Variants in GAS7 observed in about 807,000 individuals in gnomAD.
The protein encoded by GAS7 is growth arrest specific 7, also known as growth arrest-specific protein 7.
Under a neutral mutation model 71.1 loss-of-function variants are expected in GAS7, and 28 were observed. The observed-to-expected ratio is 0.39, with a 90% CI of 0.29 to 0.54. The LOEUF is 0.54. Among genes scored for constraint, GAS7 ranks in the 20% least tolerant of loss-of-function variants. GAS7 has a pLI of 0.62. For synonymous variants in GAS7, 258 were observed against 245.8 expected, an observed-to-expected ratio of 1.05 and a Z score of -0.46; for missense variants, 436 against 627.8, an observed-to-expected ratio of 0.69 and a Z score of 3.27.
At chr17:10,009,289 C>T (rs1004281320) in intron 2 of GAS7, among the ~76,000 whole-genome samples, 3 of 139,106 alleles carry the variant, frequency 2.2e-5, no homozygotes, top group African/African-American at 8.7e-5. Flanking sequence ...CCACTGCACT[C>T]CAGTCTGGGC....
chr17:10,056,729 CTCTCCCTCTCCCG>C (rs2073142806), intron 1 of GAS7, among the ~76,000 whole-genome samples: 2 of 151,864 alleles, frequency 1.3e-5, no homozygotes, highest in South Asian at 4.2e-4. Context: ...AATTAGCTCC[CTCTCCCTCTCCCG>C]TCTCCCTCCC....
chr17:9,917,974 G>A (rs183312776), intron 13 of GAS7, 27 bp downstream of exon 13: 18 of 1,552,980 alleles, frequency 1.2e-5, no homozygotes, highest in Middle Eastern at 1.9e-4. Flanking sequence ...CGTGTCGCCC[G>A]GGAGCCCCGC....
Position 10,005,185 on chromosome 17 carries a change from A to G in GAS7, c.304+14592T>C, listed in dbSNP as rs538870578. Among the ~76,000 whole-genome samples the G allele has an allele frequency of 5.7e-3, 733 of 129,562 alleles. 5 individuals are homozygous for G. The highest frequency in any genetic ancestry group is 0.016 in the Middle Eastern group (4 of 256). The allele number at this position is 129,562 out of a possible 152,430, so 85.0% of individuals were successfully genotyped here. A position where few individuals can be genotyped will look rare whatever the true frequency, so the allele number is the denominator to read the frequency against. ...TGTGCGCACGCATGCATGTATGTGT[A>G]TGTGCACGCATGCATGTGTGTGCAT... On this transcript the variant is annotated intron_variant, in intron 2 of 13. Coordinates refer to ENST00000432992, the MANE Select transcript of GAS7 (RefSeq NM_201433.2).
chr17:10,006,432 C>T (rs1294497473), intron 2 of GAS7, among the ~76,000 whole-genome samples: 1 of 146,806 alleles, frequency 6.8e-6, no homozygotes. Context: ...TGGGTCCATG[C>T]CATTCTCCTG....
intron 4 of GAS7, among the ~76,000 whole-genome samples, chr17:9,965,843 C>A (rs1227935641): frequency 6.6e-6 from 1 of 152,094 alleles, no homozygotes; most frequent in East Asian, 1.9e-4. Context: ...CCATCCAGGT[C>A]TCCAAGGGCT....
At chr17:9,997,638 C>T (rs997391878) in intron 2 of GAS7, among the ~76,000 whole-genome samples, 1 of 152,182 alleles carries the variant, frequency 6.6e-6, no homozygotes, top group Non-Finnish European at 1.5e-5. Flanking sequence ...TCAGATCCCA[C>T]AGGCTGAAGG....
rs1321848062 is a variant in GAS7 at position 10,034,561 on chromosome 17, G to A, written c.184-14664C>T. Reference sequence around the variant, plus strand: ...TGACCTCAGGTGATCTGCCCACCTCGGCCTCCCAAAGTGCTGGGATTACAG... The same window carrying A: ...TGACCTCAGGTGATCTGCCCACCTCAGCCTCCCAAAGTGCTGGGATTACAG... On this transcript the variant is annotated intron_variant, in intron 1 of 13. Coordinates refer to ENST00000432992, the MANE Select transcript of GAS7 (RefSeq NM_201433.2). The surrounding 1 kb of genome is among the most constrained non-coding windows in gnomAD (Gnocchi z 4.4). Among the ~76,000 whole-genome samples, 1 of 152,040 alleles carries A rather than the reference G, an allele frequency of 6.6e-6. No homozygotes were observed. Among genetic ancestry groups the A allele is most frequent in the African/African-American group, 2.4e-5 (1 of 41,388 alleles).
chr17:10,170,468 T>C (rs182744306), intron 1 of GAS7, among the ~76,000 whole-genome samples: 2 of 152,186 alleles, frequency 1.3e-5, no homozygotes, highest in Admixed American at 1.3e-4. Flanking sequence ...TGCTGTTCTG[T>C]TTTCTGGCTG....
intron 1 of GAS7, among the ~76,000 whole-genome samples, chr17:10,056,409 C>T (rs1168946923): frequency 2.6e-5 from 4 of 151,974 alleles, no homozygotes; most frequent in African/African-American, 4.8e-5. Context: ...GTGGGAGGAT[C>T]GCTTGAGCCC....
intron 1 of GAS7, among the ~76,000 whole-genome samples, chr17:10,156,847 C>A (rs1301804349): frequency 1.3e-5 from 2 of 152,024 alleles, no homozygotes; most frequent in African/African-American, 4.8e-5. Context: ...CCTGCTCAAG[C>A]CTCTATAAAC....
intron 2 of GAS7, among the ~76,000 whole-genome samples, chr17:10,010,326 G>GT (rs1477267493): frequency 1.3e-5 from 2 of 151,648 alleles, no homozygotes; most frequent in Admixed American, 6.6e-5. Flanking sequence ...AAATTTTTGT[G>GT]TTTTTTTAGT....
chr17:10,154,913 TACACACACACACACACACACAC>T (rs57604032), intron 1 of GAS7, among the ~76,000 whole-genome samples: 2 of 141,960 alleles, frequency 1.4e-5, no homozygotes, highest in Non-Finnish European at 3.1e-5. Flanking sequence ...AACCCCAGGC[TACACACACACACACACACACAC>T]ACACACACAC....
rs1010399124 is a variant in GAS7 at position 9,951,132 on chromosome 17, G to A, written c.526-4149C>T. On this transcript the variant is annotated intron_variant, in intron 5 of 13. Transcript: ENST00000432992. ...GCCAAGCAGGCAATCATGAAAACAA[G>A]GGACGGGTTTCAAAAGTGCACAGAT... 4.1e-4 allele frequency among the ~76,000 whole-genome samples: 63 copies of A among 152,198 alleles called. 1 individual carries two copies. The highest frequency in any genetic ancestry group is 7.2e-4 in the Admixed American group (11 of 15,284).
intron 1 of GAS7, among the ~76,000 whole-genome samples, chr17:10,116,831 A>T (rs1308801222): frequency 6.6e-6 from 1 of 152,134 alleles, no homozygotes; most frequent in Non-Finnish European, 1.5e-5. Flanking sequence ...TACACAACCC[A>T]CAACAAGCCA....
At chr17:10,041,559 C>T (rs1443521747) in intron 1 of GAS7, among the ~76,000 whole-genome samples, 1 of 152,222 alleles carries the variant, frequency 6.6e-6, no homozygotes, top group Non-Finnish European at 1.5e-5. Context: ...GTCCTGCAGA[C>T]ATTTAATTCT....
At chr17:10,098,076 G>A (rs1327487189) in intron 1 of GAS7, among the ~76,000 whole-genome samples, 2 of 148,864 alleles carry the variant, frequency 1.3e-5, no homozygotes, top group Middle Eastern at 3.2e-3. Context: ...ATTGGGACTC[G>A]CCTCCTTGTG....
In GAS7 at chr17:9,911,533, A is replaced by T. The variant is rs1477573047; in HGVS notation, c.*5695T>A. ...CTCCCAGGAAGCCCTCCTGACAGCC[A>T]TGCCCCAGCATTTAGAACGTGGGGA... is the stretch of plus-strand genomic sequence containing the variant. On this transcript the variant is annotated 3_prime_UTR_variant, in exon 14 of 14. Coordinates refer to ENST00000432992, the MANE Select transcript of GAS7 (RefSeq NM_201433.2). This position sits in a 1 kb window ranked among gnomAD's most constrained non-coding sequence, Gnocchi z 4.0. The T allele has an allele frequency of 4.3e-6, 1 of 233,202 alleles. No homozygotes were observed. Among genetic ancestry groups the T allele is most frequent in the East Asian group, 6.0e-5 (1 of 16,568 alleles). 14.4% of individuals were successfully genotyped at this position (233,202 alleles called of 1,614,324 possible).
chr17:9,952,983 T>G (rs142763445), intron 5 of GAS7, among the ~76,000 whole-genome samples: 2,446 of 152,046 alleles, frequency 0.016, 76 homozygotes, highest in African/African-American at 0.056. Context: ...GACCCAGCAA[T>G]CCCATTACTG....
intron 1 of GAS7, among the ~76,000 whole-genome samples, chr17:10,183,624 G>C (rs1321577960): frequency 2.0e-5 from 3 of 152,178 alleles, no homozygotes; most frequent in Non-Finnish European, 4.4e-5. Context: ...CGGATCACGA[G>C]GTCAGGAGAT....
Sources: allele counts gnomAD v4.1 joint callset (sites outside exome capture counted in the v4.1 genomes callset), GRCh38; gene constraint gnomAD v4.1.1; non-coding constraint Gnocchi (gnomAD v3.1); transcripts MANE v1.5; gene names NCBI Gene and HGNC (gene_info 2026-07-23, HGNC 2026-07-21).